F9: variants seen among roughly 807,000 people sequenced by gnomAD.
F9 encodes the protein coagulation factor IX, also known as Christmas factor.
F9 carries 2 observed loss-of-function variants against 34.1 expected under a neutral mutation model. That is an observed-to-expected ratio of 0.06 (90% CI 0.02 to 0.18). The LOEUF (loss-of-function observed/expected upper bound fraction) is 0.18. Among genes scored for constraint, F9 ranks in the 10% least tolerant of loss-of-function variants. The probability of loss-of-function intolerance (pLI) is 1.00; values close to 1 mark genes in which losing one functional copy is unlikely to be tolerated. For missense variants in F9, 216 were observed against 345.1 expected, an observed-to-expected ratio of 0.63 and a Z score of 2.96; for synonymous variants, 137 against 118.8, an observed-to-expected ratio of 1.15 and a Z score of -1.00.
Position 139,562,931 on chromosome X carries a change from G to T in F9, c.*860G>T, listed in dbSNP as rs957686380. The T allele has an allele frequency of 9.9e-6, 1 of 101,009 alleles. No homozygotes were observed. Among genetic ancestry groups the T allele is most frequent in the Non-Finnish European group, 2.0e-5 (1 of 50,316 alleles). 8.3% of individuals were successfully genotyped at this position (101,009 alleles called of 1,213,427 possible). The stretch of plus-strand genomic sequence containing the variant: ...TGTATGCGTGTGTGTAGACACACAC[G>T]CATACACACATATAATGGAAGCAAT... On this transcript the variant is annotated 3_prime_UTR_variant, in exon 8 of 8. Coordinates refer to ENST00000218099, the MANE Select transcript of F9 (RefSeq NM_000133.4).
intron 1 of F9, among the ~76,000 whole-genome samples, chrX:139,536,148 G>GTAC (rs1927456516): frequency 9.6e-6 from 1 of 103,649 alleles, no homozygotes; most frequent in Non-Finnish European, 2.0e-5. Flanking sequence ...TGATATATAT[G>GTAC]ATATATATGT....
intron 4 of F9, among the ~76,000 whole-genome samples, chrX:139,543,003 A>G (rs1383124614): frequency 9.0e-6 from 1 of 110,864 alleles, no homozygotes; most frequent in African/African-American, 3.3e-5. Context: ...TCTTTATCTC[A>G]GACAACAGAG....
chrX:139,560,963 C>G, intron 7 of F9, 108 bp downstream of exon 7: 2 of 659,861 alleles, frequency 3.0e-6, no homozygotes, highest in Non-Finnish European at 2.4e-6. Flanking sequence ...ATAAATTGGG[C>G]TAAAGGCAGA....
At chrX:139,550,625 G>T (rs1362666284) in intron 5 of F9, among the ~76,000 whole-genome samples, 1 of 111,425 alleles carries the variant, frequency 9.0e-6, no homozygotes, top group African/African-American at 3.3e-5. Context: ...GTCTGCAAAA[G>T]AAACCTTCTT....
chrX:139,561,000 G>A (rs1348421544), intron 7 of F9, 145 bp downstream of exon 7: 13 of 506,231 alleles, frequency 2.6e-5, no homozygotes, highest in Non-Finnish European at 2.8e-5. Context: ...AACCCACGTC[G>A]CACCGTCCTC....
chrX:139,538,585 T>C (rs1010348546), intron 3 of F9, among the ~76,000 whole-genome samples: 39 of 111,766 alleles, frequency 3.5e-4, no homozygotes, highest in Non-Finnish European at 5.8e-4. Context: ...AAGAGTTGAC[T>C]CTGTTATATT....
rs34698779 is a variant in F9, at chrX:139,561,795, G to A, written c.1110G>A (p.Gln370=). The A allele has an allele frequency of 1.7e-3, 2,062 of 1,210,286 alleles. 24 individuals are homozygous for A. The African/African-American group carries it at 0.028, about 16-fold the overall frequency. ...FHKGRSALVL[Q]YLRVPLVDRA... ...AAGGGAGATCAGCTTTAGTTCTTCA[G>A]TACCTTAGAGTTCCACTTGTTGACC... Residue 370 remains glutamine (Q), a synonymous_variant, in exon 8 of 8, where the codon CAG becomes CAA. Transcript: ENST00000218099.
Position 139,562,731 on chromosome X carries a change from A to T in F9, c.*660A>T, listed in dbSNP as rs1055347037. ...GTTATACTTCTGTACACAGTTATACATGTCTATCAAACCCAGACTTGCTTC... is the reference window on the plus strand; with the variant it reads ...GTTATACTTCTGTACACAGTTATACTTGTCTATCAAACCCAGACTTGCTTC... On this transcript the variant is annotated 3_prime_UTR_variant, in exon 8 of 8. Transcript: ENST00000218099. The T allele has an allele frequency of 7.3e-5, 8 of 109,407 alleles. No homozygotes were observed. Among genetic ancestry groups the T allele is most frequent in the African/African-American group, 2.3e-4 (7 of 30,087 alleles). The allele number at this position is 109,407 out of a possible 1,213,427, so 9.0% of individuals were successfully genotyped here. A position where few individuals can be genotyped will look rare whatever the true frequency, so the allele number is the denominator to read the frequency against.
At chrX:139,554,110 G>A (rs1390409105) in intron 6 of F9, among the ~76,000 whole-genome samples, 1 of 110,576 alleles carries the variant, frequency 9.0e-6, no homozygotes, top group Non-Finnish European at 1.9e-5. Context: ...AAAAGACTAT[G>A]AGATGGTGGT....
chrX:139,540,694 T>C (rs933466284), intron 3 of F9, among the ~76,000 whole-genome samples: 2 of 111,995 alleles, frequency 1.8e-5, no homozygotes, highest in African/African-American at 6.5e-5. Flanking sequence ...ATAATATTTG[T>C]TGAAGCAATT....
chrX:139,542,797 A>C (rs895342455), intron 4 of F9, among the ~76,000 whole-genome samples: 1 of 111,745 alleles, frequency 8.9e-6, no homozygotes, highest in Non-Finnish European at 1.9e-5. Context: ...AAAAATGCTA[A>C]GTCTACAACT....
Position 139,537,376 on chromosome X carries a change from G to T in F9, c.267G>T (p.Lys89Asn), listed in dbSNP as rs1927507472. 1.7e-6 allele frequency: 2 copies of T among 1,183,729 alleles called. No homozygotes were observed. The highest frequency in any genetic ancestry group is 2.2e-5 in the Admixed American group (1 of 45,617). ...ENTERTTEFW[K>N]QYVDGDQCES... ...ATTCTTTATAGACTGAATTTTGGAA[G>T]CAGTATGTTGGTAAGCAATTCATTT... The change falls in exon 3 of 8, where the codon AAG becomes AAT. Residue 89 changes from lysine to asparagine, a missense_variant. By Grantham distance (94) the Lys-to-Asn change is moderately conservative. Transcript: ENST00000218099.
intron 1 of F9, among the ~76,000 whole-genome samples, chrX:139,536,158 T>C (rs184440844): frequency 2.8e-5 from 3 of 105,881 alleles, no homozygotes; most frequent in Admixed American, 1.0e-4. Context: ...GATATATATG[T>C]GTGTGTATAT....
intron 6 of F9, among the ~76,000 whole-genome samples, chrX:139,551,741 C>A (rs1458159567): frequency 9.0e-6 from 1 of 111,519 alleles, no homozygotes; most frequent in Non-Finnish European, 1.9e-5. Context: ...TGATCTACCA[C>A]TATAGTTCTC....
At chrX:139,542,235 T>G (rs1490374265) in intron 4 of F9, among the ~76,000 whole-genome samples, 2 of 111,865 alleles carry the variant, frequency 1.8e-5, no homozygotes, top group Non-Finnish European at 3.8e-5. Context: ...ACTAAAAAAT[T>G]CATTGACCAT....
At chrX:139,536,416 A>C (rs1735688849) in intron 1 of F9, among the ~76,000 whole-genome samples, 1 of 110,382 alleles carries the variant, frequency 9.1e-6, no homozygotes, top group Non-Finnish European at 1.9e-5. Context: ...CTTAAAAAAA[A>C]CATATCCTGA....
intron 4 of F9, among the ~76,000 whole-genome samples, chrX:139,545,376 C>T (rs750500269): frequency 4.5e-5 from 5 of 111,584 alleles, no homozygotes; most frequent in South Asian, 3.8e-4. Flanking sequence ...CATGGTACTT[C>T]CTGTTATTGG....
chrX:139,535,803 T>A (rs1333219089), intron 1 of F9, among the ~76,000 whole-genome samples: 1 of 111,620 alleles, frequency 9.0e-6, no homozygotes, highest in African/African-American at 3.3e-5. Flanking sequence ...TGGGGATATA[T>A]TCTGAGAAAT....
At chrX:139,541,272 T>C (rs1248981547) in intron 4 of F9, 83 bp downstream of exon 4, 6 of 607,857 alleles carry the variant, frequency 9.9e-6, no homozygotes, top group Non-Finnish European at 1.6e-5. Flanking sequence ...TATTGGTGTA[T>C]CATAATTTTT....
Sources: gnomAD v4.1 joint callset for allele counts (sites outside exome capture counted in the v4.1 genomes callset) on GRCh38, gnomAD v4.1.1 for gene constraint, MANE v1.5 for transcripts, NCBI Gene and HGNC (gene_info 2026-07-23, HGNC 2026-07-21) for gene names.